Variants in SYBU observed in about 807,000 individuals in gnomAD.
The protein encoded by SYBU is GOLSYN A protein.
In SYBU, 21 loss-of-function variants were observed where a neutral mutation model predicts 35.9. That is an observed-to-expected ratio of 0.58 (90% CI 0.41 to 0.84). The LOEUF (loss-of-function observed/expected upper bound fraction) is 0.84, where lower values mean the gene tolerates loss of function less well. Ranked by LOEUF, SYBU falls within the 40% of genes least tolerant of loss-of-function variation. The pLI, the probability that SYBU is intolerant of heterozygous loss-of-function variation, is 0.00. For synonymous variants in SYBU, 319 were observed against 324.3 expected (o/e 0.98, Z 0.18); for missense variants, 768 against 848.2 (o/e 0.91, Z 1.17).
chr8:109,669,568 G>A (rs555077711), intron 1 of SYBU, among the ~76,000 whole-genome samples: 2 of 152,170 alleles, frequency 1.3e-5, no homozygotes, highest in African/African-American at 4.8e-5. Context: ...TTTAATATCT[G>A]GAGTGCAAGT....
Position 109,642,856 on chromosome 8 carries a change from A to C in SYBU, c.101T>G (p.Met34Arg), listed in dbSNP as rs747898196. ...GGACACTTTGTGCTGTTGTTGGGGC[A>C]TATGGGGCCGAAGAATCAACCGGGG... ...RIPRLILRPH[M>R]PQQQHKVSPA... The change falls in exon 2 of 7, where the codon ATG becomes AGG. Residue 34 changes from methionine to arginine, a missense_variant. By Grantham distance (91) the Met-to-Arg change is moderately conservative. Transcript: ENST00000276646. 1 of 1,610,594 alleles carries C rather than the reference A, an allele frequency of 6.2e-7. No homozygotes were observed.
At chr8:109,590,565 T>C (rs568365157) in intron 3 of SYBU, among the ~76,000 whole-genome samples, 2 of 151,796 alleles carry the variant, frequency 1.3e-5, no homozygotes, top group Non-Finnish European at 2.9e-5. Context: ...CACACACACA[T>C]AAACAGCTAA....
chr8:109,622,360 T>C (rs1812519352), intron 2 of SYBU, among the ~76,000 whole-genome samples: 1 of 151,930 alleles, frequency 6.6e-6, no homozygotes, highest in African/African-American at 2.4e-5. Context: ...GCCTCCTGAG[T>C]AGCTGGGATT....
chr8:109,631,368 G>T (rs1014787622), intron 2 of SYBU, among the ~76,000 whole-genome samples: 1 of 152,138 alleles, frequency 6.6e-6, no homozygotes, highest in African/African-American at 2.4e-5. Flanking sequence ...TGCCTTCCTT[G>T]TTTCTTGGAG....
intron 2 of SYBU, among the ~76,000 whole-genome samples, chr8:109,630,806 G>C (rs1813532375): frequency 6.6e-6 from 1 of 152,154 alleles, no homozygotes; most frequent in Admixed American, 6.5e-5. Flanking sequence ...AAGTGAGCCT[G>C]GGGCCCAGGG....
intron 2 of SYBU, among the ~76,000 whole-genome samples, chr8:109,639,619 C>A (rs954888314): frequency 2.0e-5 from 3 of 152,192 alleles, no homozygotes; most frequent in African/African-American, 7.2e-5. Flanking sequence ...GCTATGATGA[C>A]AATAGATCCC....
intron 1 of SYBU, among the ~76,000 whole-genome samples, chr8:109,677,321 C>T (rs1817229296): frequency 6.6e-6 from 1 of 152,120 alleles, no homozygotes; most frequent in South Asian, 2.1e-4. Context: ...TTTCCAATGA[C>T]CAAAATAAGG....
At chr8:109,679,075 T>C (rs1018727012) in intron 1 of SYBU, among the ~76,000 whole-genome samples, 1 of 152,182 alleles carries the variant, frequency 6.6e-6, no homozygotes, top group Non-Finnish European at 1.5e-5. Context: ...AAGATGGCCA[T>C]GAAAGTGACT....
chr8:109,600,824 A>G (rs1825438383), intron 3 of SYBU, among the ~76,000 whole-genome samples: 1 of 152,128 alleles, frequency 6.6e-6, no homozygotes, highest in African/African-American at 2.4e-5. Context: ...CACATACATC[A>G]CATATTTGGA....
upstream of SYBU, among the ~76,000 whole-genome samples, chr8:109,648,321 T>A (rs956227732): frequency 6.8e-6 from 1 of 148,142 alleles, no homozygotes; most frequent in Non-Finnish European, 1.5e-5. Context: ...GATAGGGTAT[T>A]GTAGACTGGG....
At chr8:109,654,263 C>A (rs935891476) in intron 1 of SYBU, among the ~76,000 whole-genome samples, 5 of 152,190 alleles carry the variant, frequency 3.3e-5, no homozygotes, top group Non-Finnish European at 4.4e-5. Flanking sequence ...TTGAACCAAT[C>A]CCTACTCCAC....
At chr8:109,690,721 A>T (rs1380126169) in intron 1 of SYBU, among the ~76,000 whole-genome samples, 1 of 152,204 alleles carries the variant, frequency 6.6e-6, no homozygotes, top group Non-Finnish European at 1.5e-5. Flanking sequence ...TTTTAAATCC[A>T]AACCTGTTGA....
chr8:109,664,570 G>GT (rs1021943587), intron 1 of SYBU, among the ~76,000 whole-genome samples: 2 of 152,094 alleles, frequency 1.3e-5, no homozygotes, highest in African/African-American at 4.8e-5. Context: ...CAGTCCCAGT[G>GT]TTAGAAGAAA....
chr8:109,613,942 A>G (rs565277894), intron 3 of SYBU, among the ~76,000 whole-genome samples: 1 of 152,342 alleles, frequency 6.6e-6, no homozygotes, highest in Admixed American at 6.5e-5. Context: ...CTCCAATTTC[A>G]GTAGCAGGGG....
At chr8:109,630,428 A>C (rs1365641609) in intron 2 of SYBU, among the ~76,000 whole-genome samples, 1 of 148,436 alleles carries the variant, frequency 6.7e-6, no homozygotes, top group Admixed American at 6.7e-5. Context: ...TATAATAATA[A>C]AAAAAAAAAG....
chr8:109,621,357 A>G (rs950239283), intron 2 of SYBU, among the ~76,000 whole-genome samples: 1 of 152,196 alleles, frequency 6.6e-6, no homozygotes, highest in African/African-American at 2.4e-5. Flanking sequence ...GGCAGTAGCA[A>G]TTTTTAACCT....
At chr8:109,586,768 A>G (rs1354872143) in intron 3 of SYBU, among the ~76,000 whole-genome samples, 2 of 152,238 alleles carry the variant, frequency 1.3e-5, no homozygotes, top group East Asian at 3.8e-4. Flanking sequence ...CAGAAATTTA[A>G]CAGTGATAGA....
chr8:109,662,736 T>C (rs1320024292), intron 1 of SYBU, among the ~76,000 whole-genome samples: 2 of 152,220 alleles, frequency 1.3e-5, no homozygotes, highest in East Asian at 3.8e-4. Context: ...TTGGCTTTCT[T>C]TTACAAACTT....
intron 6 of SYBU, among the ~76,000 whole-genome samples, chr8:109,576,822 G>A (rs1822378501): frequency 6.6e-6 from 1 of 152,108 alleles, no homozygotes; most frequent in African/African-American, 2.4e-5. Flanking sequence ...TGGATATGAA[G>A]ATAGGGTAGT....
Sources: gnomAD v4.1 joint callset for allele counts (sites outside exome capture counted in the v4.1 genomes callset) on GRCh38, gnomAD v4.1.1 for gene constraint, MANE v1.5 for transcripts, NCBI Gene and HGNC (gene_info 2026-07-23, HGNC 2026-07-21) for gene names.